The following TSC22D3 variants were observed in gnomAD, a reference collection of about 807,000 sequenced individuals.
The protein encoded by TSC22D3 is TSC22 domain family member 3.
Under a neutral mutation model 11.1 loss-of-function variants are expected in TSC22D3, and 4 were observed. That is an observed-to-expected ratio of 0.36 (90% CI 0.18 to 0.83). The LOEUF (loss-of-function observed/expected upper bound fraction) is 0.83. Ranked by LOEUF, TSC22D3 falls within the 40% of genes least tolerant of loss-of-function variation. TSC22D3 has a pLI of 0.48. For missense variants in TSC22D3, 118 were observed against 159.4 expected (o/e 0.74, Z 1.40); for synonymous variants, 77 against 70.3 (o/e 1.10, Z -0.48).
intron 2 of TSC22D3, among the ~76,000 whole-genome samples, chrX:107,715,316 TG>T (rs1569446354): frequency 8.9e-6 from 1 of 112,239 alleles, no homozygotes; most frequent in African/African-American, 3.2e-5. Flanking sequence ...GGTACAGAAC[TG>T]CCGCATCCTC....
intron 1 of TSC22D3, among the ~76,000 whole-genome samples, chrX:107,727,503 T>TA (rs952440258): frequency 3.6e-5 from 4 of 112,038 alleles, no homozygotes; most frequent in African/African-American, 1.3e-4. Flanking sequence ...TTTATTTATT[T>TA]TTTTTTTTTA....
At chrX:107,727,540 T>C (rs1489462455) in intron 1 of TSC22D3, among the ~76,000 whole-genome samples, 1 of 111,800 alleles carries the variant, frequency 8.9e-6, no homozygotes, top group Non-Finnish European at 1.9e-5. Context: ...TTGATGACTT[T>C]ATAAATATTT....
chrX:107,714,918 A>C (rs965436670), intron 2 of TSC22D3, among the ~76,000 whole-genome samples, 169 bp from the exon 3 acceptor site: 1 of 111,658 alleles, frequency 9.0e-6, no homozygotes, highest in Admixed American at 9.5e-5. Context: ...CTTTCTCTGA[A>C]GCACTTAAAC....
intron 1 of TSC22D3, among the ~76,000 whole-genome samples, chrX:107,724,407 C>T (rs1288321978): frequency 1.8e-5 from 2 of 113,257 alleles, no homozygotes; most frequent in Admixed American, 9.2e-5. Context: ...ACAAGGAATA[C>T]ACACAACTTC....
intron 1 of TSC22D3, chrX:107,717,217 A>G (rs1385608549): frequency 4.7e-5 from 16 of 342,200 alleles, no homozygotes; most frequent in African/African-American, 1.4e-4. Flanking sequence ...ACAGTTCAGC[A>G]CTTTCTTGTA....
chrX:107,774,611 C>A (rs1328571979), intron 1 of TSC22D3, among the ~76,000 whole-genome samples: 1 of 112,006 alleles, frequency 8.9e-6, no homozygotes, highest in Non-Finnish European at 1.9e-5. Flanking sequence ...TCTCCTACCA[C>A]CAGCAGTTTA....
chrX:107,759,603 C>T (rs1454131379), intron 1 of TSC22D3, among the ~76,000 whole-genome samples: 1 of 112,707 alleles, frequency 8.9e-6, no homozygotes, highest in Non-Finnish European at 1.9e-5. Context: ...CCTCCAGGAA[C>T]TGTGCCTCCT....
At chrX:107,728,428 T>A (rs1927743086) in intron 1 of TSC22D3, among the ~76,000 whole-genome samples, 1 of 112,737 alleles carries the variant, frequency 8.9e-6, no homozygotes, top group Non-Finnish European at 1.9e-5. Flanking sequence ...AATTCACCCA[T>A]GTGTGTGCTC....
intron 1 of TSC22D3, among the ~76,000 whole-genome samples, chrX:107,748,936 T>G (rs1602398724): frequency 1.8e-5 from 2 of 111,972 alleles, no homozygotes; most frequent in East Asian, 5.6e-4. Flanking sequence ...GCATTGGCAT[T>G]GCCAGCCTAT....
At chrX:107,749,107 GT>G (rs1362173981) in intron 1 of TSC22D3, among the ~76,000 whole-genome samples, 3 of 109,932 alleles carry the variant, frequency 2.7e-5, no homozygotes, top group Non-Finnish European at 5.7e-5. Context: ...GGCCGAAGCG[GT>G]TGTATCACCT....
chrX:107,729,137 G>A (rs1927772034), intron 1 of TSC22D3, among the ~76,000 whole-genome samples: 1 of 112,508 alleles, frequency 8.9e-6, no homozygotes, highest in African/African-American at 3.2e-5. Flanking sequence ...CAGCAAGGCT[G>A]CCTTGGGCAT....
intron 1 of TSC22D3, among the ~76,000 whole-genome samples, chrX:107,764,133 G>A (rs764851600): frequency 1.8e-5 from 2 of 112,532 alleles, no homozygotes; most frequent in South Asian, 7.4e-4. Flanking sequence ...TTTGACAGAA[G>A]TCTATTCCTT....
At chrX:107,760,664 G>C (rs1045411742) in intron 1 of TSC22D3, among the ~76,000 whole-genome samples, 1 of 112,461 alleles carries the variant, frequency 8.9e-6, no homozygotes, top group Admixed American at 9.4e-5. Context: ...TGAAGAGAAC[G>C]TCCCCAGGCC....
Position 107,737,098 on chromosome X carries a change from C to T in TSC22D3, c.321-21148G>A, listed in dbSNP as rs1044135420. On this transcript the variant is annotated intron_variant, in intron 1 of 2. Transcript: ENST00000372383. ...TCCTCCTGGGCCGGTCTCTCTCACC[C>T]ACCCTGCTGTGAAGGCACAGACAAC... Among the ~76,000 whole-genome samples the T allele has an allele frequency of 1.3e-4, 14 of 111,843 alleles. 1 individual carries two copies. In the Admixed American group the frequency reaches 1.3e-3, roughly 11 times the overall value.
intron 1 of TSC22D3, among the ~76,000 whole-genome samples, chrX:107,764,768 G>A (rs1929587849): frequency 8.9e-6 from 1 of 111,747 alleles, no homozygotes; most frequent in Non-Finnish European, 1.9e-5. Flanking sequence ...GAGATGCACA[G>A]ATAGGAAGCC....
intron 1 of TSC22D3, among the ~76,000 whole-genome samples, chrX:107,772,532 C>T (rs1447241384): frequency 9.0e-6 from 1 of 111,288 alleles, no homozygotes; most frequent in Non-Finnish European, 1.9e-5. Context: ...TCAGAATCCC[C>T]AGTCTCTAAG....
At chrX:107,756,954 G>A (rs747237557) in intron 1 of TSC22D3, among the ~76,000 whole-genome samples, 10 of 112,353 alleles carry the variant, frequency 8.9e-5, no homozygotes, top group South Asian at 3.7e-4. Flanking sequence ...CAGTCTTCCC[G>A]GGGAAGCCAG....
intron 1 of TSC22D3, among the ~76,000 whole-genome samples, chrX:107,723,796 G>T (rs776479942): frequency 8.9e-6 from 1 of 112,532 alleles, no homozygotes; most frequent in South Asian, 3.7e-4. Context: ...AAGGACTTGG[G>T]GGCTATTGGC....
At chrX:107,739,729 G>A (rs1032389665) in intron 1 of TSC22D3, among the ~76,000 whole-genome samples, 22 of 112,620 alleles carry the variant, frequency 2.0e-4, no homozygotes, top group Non-Finnish European at 3.2e-4. Flanking sequence ...GACAAAATCA[G>A]GGATAATGGG....
Sources: allele counts gnomAD v4.1 joint callset (sites outside exome capture counted in the v4.1 genomes callset), GRCh38; gene constraint gnomAD v4.1.1; transcripts MANE v1.5; gene names NCBI Gene and HGNC (gene_info 2026-07-23, HGNC 2026-07-21).